FKBP1B: variants seen among roughly 807,000 people sequenced by gnomAD.
The protein encoded by FKBP1B is FKBP prolyl isomerase 1B.
In FKBP1B, 4 loss-of-function variants were observed where a neutral mutation model predicts 13.5. The ratio of observed to expected loss-of-function variants is 0.30; its 90% CI spans 0.15 to 0.68. FKBP1B has a LOEUF of 0.68. Ranked by LOEUF, FKBP1B falls within the 30% of genes least tolerant of loss-of-function variation. The pLI is 0.76. For missense variants in FKBP1B, 93 were observed against 136.2 expected, an observed-to-expected ratio of 0.68 and a Z score of 1.58; for synonymous variants, 54 against 53.6, an observed-to-expected ratio of 1.01 and a Z score of -0.03.
chr2:24,060,187 CA>C (rs1421069373), intron 2 of FKBP1B, among the ~76,000 whole-genome samples: 3 of 151,992 alleles, frequency 2.0e-5, no homozygotes, highest in Non-Finnish European at 4.4e-5. Context: ...AAAAGAGGAT[CA>C]AAAAGACCAG....
At chr2:24,053,346 C>G (rs1663966926) in intron 1 of FKBP1B, among the ~76,000 whole-genome samples, 1 of 132,948 alleles carries the variant, frequency 7.5e-6, no homozygotes, top group African/African-American at 2.9e-5. Flanking sequence ...CCAGGGTGAT[C>G]TAGAACTCCT....
chr2:24,037,552 CAT>C, the FKBP1B span: 1 of 1,127,164 alleles, frequency 8.9e-7, no homozygotes, highest in African/African-American at 1.6e-5. Context: ...TTGCCTGTAA[CAT>C]AACATGCCCA....
chr2:24,038,855 C>T, the FKBP1B span: 1 of 1,614,210 alleles, frequency 6.2e-7, no homozygotes, highest in Non-Finnish European at 8.5e-7. Flanking sequence ...ACCTGTGAGT[C>T]CACAGTTGCT....
chr2:24,039,060 A>T, the FKBP1B span: 1 of 1,614,210 alleles, frequency 6.2e-7, no homozygotes, highest in South Asian at 1.1e-5. Flanking sequence ...CCTGGGAATC[A>T]TCAGAGTGAA....
At chr2:24,047,289 C>G (rs1280987027), upstream of FKBP1B, 1 of 152,324 alleles carries the variant, frequency 6.6e-6, no homozygotes, top group African/African-American at 2.4e-5. Flanking sequence ...ACCCGCCAGG[C>G]CCGGCAGCAG....
At chr2:24,037,958 G>C in the FKBP1B span, 1 of 1,614,166 alleles carries the variant, frequency 6.2e-7, no homozygotes, top group Non-Finnish European at 8.5e-7. Flanking sequence ...TCAGCATCTA[G>C]AGCTATGGAG....
rs1164738952 is a variant in FKBP1B, at chr2:24,049,764, CG to C, written c.-84del. On this transcript the variant is annotated 5_prime_UTR_variant, in exon 1 of 4. Coordinates refer to ENST00000380986, the MANE Select transcript of FKBP1B (RefSeq NM_004116.5). ...CTGCAGTGGCGGCGAGGAGGCGAGC[CG>C]GAGCGACGGCGGGGCTGGGGCCGGA... 1.7e-6 allele frequency: 2 copies of C among 1,147,984 alleles called. No individual in the cohort carries two copies. Among genetic ancestry groups the C allele is most frequent in the African/African-American group, 3.2e-5 (2 of 62,432 alleles). 71.1% of individuals were successfully genotyped at this position (1,147,984 alleles called of 1,614,324 possible).
the FKBP1B span, chr2:24,038,822 A>G: frequency 4.4e-4 from 704 of 1,614,224 alleles, 2 homozygotes; most frequent in Admixed American, 7.2e-3. Context: ...ATCTTATCCA[A>G]TGGAAGCTCA....
chr2:24,049,668 C>G, upstream of FKBP1B: 1 of 407,644 alleles, frequency 2.5e-6, no homozygotes, highest in East Asian at 3.7e-5. Context: ...CCGCGCGGCT[C>G]CGCCCCGCCG....
rs1012869337 is a variant in FKBP1B at position 24,050,039 on chromosome 2, G to A, written c.37+153G>A. 4.6e-5 allele frequency among the ~76,000 whole-genome samples: 7 copies of A among 152,006 alleles called. No homozygotes were observed. The highest frequency in any genetic ancestry group is 1.0e-4 in the Non-Finnish European group (7 of 67,948). On this transcript the variant is annotated intron_variant, in intron 1 of 3. Transcript: ENST00000380986. The surrounding 1 kb of genome is among the most constrained non-coding windows in gnomAD (Gnocchi z 5.8). Reference sequence around the variant, plus strand: ...GGAGACGCCGGACGGGATTCTTGGGGGTCTAGGAGACCATCCTCCGCCATC... The same window carrying A: ...GGAGACGCCGGACGGGATTCTTGGGAGTCTAGGAGACCATCCTCCGCCATC...
chr2:24,048,095 G>A (rs1196985013), upstream of FKBP1B, among the ~76,000 whole-genome samples: 1 of 152,090 alleles, frequency 6.6e-6, no homozygotes, highest in Admixed American at 6.5e-5. Context: ...AGTTTGCCAG[G>A]CTTTTCTCCC....
chr2:24,055,017 G>T (rs565017293), intron 2 of FKBP1B, among the ~76,000 whole-genome samples: 2 of 152,134 alleles, frequency 1.3e-5, no homozygotes, highest in African/African-American at 4.8e-5. Context: ...TATAAATATA[G>T]TAGAGAACAT....
intron 2 of FKBP1B, among the ~76,000 whole-genome samples, chr2:24,056,367 C>T (rs1463504830): frequency 2.0e-5 from 3 of 148,268 alleles, no homozygotes; most frequent in Admixed American, 6.7e-5. Flanking sequence ...TTTTTTGAGA[C>T]AAGGTCTCAC....
rs570713277 is a variant in FKBP1B, at chr2:24,052,806, AT to A, written c.38-1088del. 3.6e-3 allele frequency among the ~76,000 whole-genome samples: 549 copies of A among 152,076 alleles called. 5 individuals are homozygous for A. The highest frequency in any genetic ancestry group is 0.013 in the African/African-American group (532 of 41,482). ...ACATGTTAAGACCCTGTCTCTACAA[AT>A]TTTTTTTAAAAAAATTAGCTGGGCA... On this transcript the variant is annotated intron_variant, in intron 1 of 3. Transcript: ENST00000380986.
At chr2:24,036,099 A>C in the FKBP1B span, among the ~76,000 whole-genome samples, 8 of 150,300 alleles carry the variant, frequency 5.3e-5, no homozygotes, top group Non-Finnish European at 8.9e-5. Flanking sequence ...TAAATAAATA[A>C]ATAAATAAAA....
the FKBP1B span, among the ~76,000 whole-genome samples, chr2:24,036,384 G>C: frequency 6.6e-6 from 1 of 152,020 alleles, no homozygotes; most frequent in Admixed American, 6.6e-5. Flanking sequence ...GCATGTGCTT[G>C]TAGTCTCAGC....
chr2:24,051,333 C>CG (rs1663857925), intron 1 of FKBP1B, among the ~76,000 whole-genome samples: 1 of 141,120 alleles, frequency 7.1e-6, no homozygotes, highest in Non-Finnish European at 1.5e-5. Context: ...GACTCTATCT[C>CG]AAAAAAAAAA....
chr2:24,059,692 G>C (rs547583106), intron 2 of FKBP1B, among the ~76,000 whole-genome samples: 1 of 151,696 alleles, frequency 6.6e-6, no homozygotes, highest in Non-Finnish European at 1.5e-5. Context: ...TCAGGAGTTC[G>C]AGACCAGCCT....
At chr2:24,059,794 C>G (rs1664298939) in intron 2 of FKBP1B, among the ~76,000 whole-genome samples, 1 of 148,348 alleles carries the variant, frequency 6.7e-6, no homozygotes. Context: ...ACTCAGGAAG[C>G]TGAGGCAGGA....
Sources: allele counts gnomAD v4.1 joint callset (sites outside exome capture counted in the v4.1 genomes callset), GRCh38; gene constraint gnomAD v4.1.1; non-coding constraint Gnocchi (gnomAD v3.1); transcripts MANE v1.5; gene names NCBI Gene and HGNC (gene_info 2026-07-23, HGNC 2026-07-21).